STK32B: variants seen among roughly 807,000 people sequenced by gnomAD.
STK32B encodes serine/threonine-protein kinase 32B.
In STK32B, 43 loss-of-function variants were observed where a neutral mutation model predicts 52.6. The observed-to-expected ratio is 0.82, with a 90% confidence interval of 0.64 to 1.05. STK32B has a LOEUF of 1.05. Ranked by LOEUF, STK32B falls within the 50% of genes least tolerant of loss-of-function variation. The pLI is 0.00. For synonymous variants in STK32B, 238 were observed against 204.3 expected, an observed-to-expected ratio of 1.17 and a Z score of -1.41; for missense variants, 621 against 534.6, an observed-to-expected ratio of 1.16 and a Z score of -1.59.
intron 3 of STK32B, among the ~76,000 whole-genome samples, chr4:5,320,705 C>A (rs1384820893): frequency 6.6e-6 from 1 of 152,218 alleles, no homozygotes; most frequent in Non-Finnish European, 1.5e-5. Context: ...ACTGCAAAAG[C>A]CCAAAACTAA....
chr4:5,159,527 A>C (rs369682717), intron 2 of STK32B, among the ~76,000 whole-genome samples: 1 of 119,390 alleles, frequency 8.4e-6, no homozygotes, highest in Non-Finnish European at 1.7e-5. Flanking sequence ...AATATATGAT[A>C]TATATGTATA....
chr4:5,412,992 T>C (rs1398697123), intron 5 of STK32B, among the ~76,000 whole-genome samples: 1 of 152,156 alleles, frequency 6.6e-6, no homozygotes, highest in Non-Finnish European at 1.5e-5. Flanking sequence ...TTTTTCTCCC[T>C]GGCATCTTTG....
chr4:5,404,391 CTCA>C (rs1737514987), intron 5 of STK32B, among the ~76,000 whole-genome samples: 1 of 152,112 alleles, frequency 6.6e-6, no homozygotes, highest in South Asian at 2.1e-4. Context: ...GATAAGGACA[CTCA>C]TCATACTGAA....
chr4:5,149,309 G>T (rs1182864911), intron 2 of STK32B, among the ~76,000 whole-genome samples: 1 of 151,712 alleles, frequency 6.6e-6, no homozygotes, highest in Non-Finnish European at 1.5e-5. Flanking sequence ...CTGCCTTTTA[G>T]TTGTATTGTT....
chr4:5,439,820 A>G (rs1291653006), intron 6 of STK32B, among the ~76,000 whole-genome samples: 1 of 151,578 alleles, frequency 6.6e-6, no homozygotes, highest in Non-Finnish European at 1.5e-5. Context: ...CTTTCTCCAT[A>G]TGGCTAGCCA....
intron 4 of STK32B, among the ~76,000 whole-genome samples, chr4:5,377,587 C>CA (rs1213947816): frequency 6.6e-6 from 1 of 152,190 alleles, no homozygotes; most frequent in African/African-American, 2.4e-5. Flanking sequence ...GTCCCGACCC[C>CA]AATCTCATCT....
intron 3 of STK32B, among the ~76,000 whole-genome samples, chr4:5,214,694 ATC>A (rs1034716764): frequency 6.6e-6 from 1 of 152,214 alleles, no homozygotes; most frequent in African/African-American, 2.4e-5. Flanking sequence ...TCTAAGGACT[ATC>A]TCTGTCTCAA....
chr4:5,245,558 T>C, intron 3 of STK32B, among the ~76,000 whole-genome samples: 1 of 152,326 alleles, frequency 6.6e-6, no homozygotes, highest in East Asian at 1.9e-4. Context: ...AATTGGAGCA[T>C]TTAGCCCATT....
intron 3 of STK32B, among the ~76,000 whole-genome samples, chr4:5,259,030 A>G (rs943240591): frequency 6.6e-6 from 1 of 152,048 alleles, no homozygotes; most frequent in Non-Finnish European, 1.5e-5. Flanking sequence ...CTCTTCCTAG[A>G]ATGCTCTGCC....
At chr4:5,446,129 G>T (rs573610527) in intron 6 of STK32B, among the ~76,000 whole-genome samples, 1 of 152,284 alleles carries the variant, frequency 6.6e-6, no homozygotes, top group South Asian at 2.1e-4. Flanking sequence ...GCCCCCTCAG[G>T]GCATCCCATC....
chr4:5,392,563 C>T (rs967129250), intron 4 of STK32B, among the ~76,000 whole-genome samples: 1 of 152,138 alleles, frequency 6.6e-6, no homozygotes, highest in African/African-American at 2.4e-5. Flanking sequence ...TCCCCACCCA[C>T]AGAGAGAGAA....
chr4:5,126,214 G>A (rs1344275789), intron 1 of STK32B, among the ~76,000 whole-genome samples: 1 of 152,144 alleles, frequency 6.6e-6, no homozygotes, highest in African/African-American at 2.4e-5. Context: ...AATTGTTTTA[G>A]TTCTCCTGTA....
Position 5,159,363 on chromosome 4 carries a change from C to G in STK32B, c.109-8936C>G, listed in dbSNP as rs574863010. Among the ~76,000 whole-genome samples the G allele has an allele frequency of 2.0e-5, 3 of 151,658 alleles. No homozygotes were observed. In the East Asian group the frequency reaches 5.8e-4, roughly 29 times the overall value. ...CTCCCTAGGCTGGTAGGAAGTTGAA[C>G]TGAGGTACTGAATTCTGATCCTGGC... On this transcript the variant is annotated intron_variant, in intron 2 of 11. Coordinates refer to ENST00000282908, the MANE Select transcript of STK32B (RefSeq NM_018401.3).
chr4:5,024,685 C>T, the STK32B span, among the ~76,000 whole-genome samples: 2 of 152,234 alleles, frequency 1.3e-5, no homozygotes, highest in Non-Finnish European at 2.9e-5. Flanking sequence ...GCTTCACCTG[C>T]CAGCACCACC....
chr4:5,416,075 A>T lies in STK32B; in HGVS notation c.473-770A>T, dbSNP rs369216862. Among the ~76,000 whole-genome samples the T allele has an allele frequency of 4.1e-4, 62 of 152,296 alleles. 3 individuals carry two copies. In the South Asian group the frequency reaches 1.0e-2, roughly 25 times the overall value. On this transcript the variant is annotated intron_variant, in intron 5 of 11. Coordinates refer to ENST00000282908, the MANE Select transcript of STK32B (RefSeq NM_018401.3). Reference sequence around the variant, plus strand: ...TAATTGCAGTTATAACTATTATCCAAGGCTTTCTGAGCTGGAGTCTTATAT... The same window carrying T: ...TAATTGCAGTTATAACTATTATCCATGGCTTTCTGAGCTGGAGTCTTATAT...
chr4:5,176,952 G>A (rs1249720852), intron 3 of STK32B, among the ~76,000 whole-genome samples: 2 of 152,152 alleles, frequency 1.3e-5, no homozygotes, highest in African/African-American at 2.4e-5. Context: ...GACTCTCTGG[G>A]CCTCAACTTC....
At chr4:5,279,034 A>C (rs980776093) in intron 3 of STK32B, among the ~76,000 whole-genome samples, 2 of 152,150 alleles carry the variant, frequency 1.3e-5, no homozygotes, top group Admixed American at 6.5e-5. Flanking sequence ...ACACAGAGCC[A>C]AACCATATCA....
At chr4:5,022,699 T>G in the STK32B span, among the ~76,000 whole-genome samples, 5 of 152,200 alleles carry the variant, frequency 3.3e-5, no homozygotes, top group African/African-American at 1.2e-4. Context: ...CAGGTGAACA[T>G]CTCTGAGGTA....
intron 1 of STK32B, among the ~76,000 whole-genome samples, chr4:5,093,075 C>T (rs1713183964): frequency 6.6e-6 from 1 of 151,852 alleles, no homozygotes; most frequent in Non-Finnish European, 1.5e-5. Context: ...CATATTGGAA[C>T]AATTTTTGGA....
Sources: allele counts gnomAD v4.1 joint callset (sites outside exome capture counted in the v4.1 genomes callset), GRCh38; gene constraint gnomAD v4.1.1; transcripts MANE v1.5; gene names NCBI Gene and HGNC (gene_info 2026-07-23, HGNC 2026-07-21).